The following RBFOX1 variants were observed in gnomAD, a reference collection of about 807,000 sequenced individuals.
The protein encoded by RBFOX1 is RNA binding protein fox-1 homolog 1.
A neutral mutation model predicts 57.7 loss-of-function variants in RBFOX1; 8 were observed. The observed-to-expected ratio is 0.14, with a 90% CI of 0.08 to 0.25. The LOEUF (loss-of-function observed/expected upper bound fraction) is 0.25. Among genes scored for constraint, RBFOX1 ranks in the 10% least tolerant of loss-of-function variants. RBFOX1 has a pLI of 1.00. For synonymous variants in RBFOX1, 326 were observed against 222.4 expected, an observed-to-expected ratio of 1.47 and a Z score of -4.15; for missense variants, 611 against 548.5, an observed-to-expected ratio of 1.11 and a Z score of -1.14.
chr16:6,005,518 G>A (rs1413991352), intron 4 of RBFOX1, among the ~76,000 whole-genome samples: 2 of 152,182 alleles, frequency 1.3e-5, no homozygotes, highest in South Asian at 2.1e-4. Context: ...TGATACAAGG[G>A]TTTTCAACTT....
At chr16:6,847,242 A>G (rs539595489) in intron 3 of RBFOX1, among the ~76,000 whole-genome samples, 5 of 152,292 alleles carry the variant, frequency 3.3e-5, no homozygotes, top group South Asian at 2.1e-4. Context: ...TACAACATGT[A>G]TCTCTCATGC....
At chr16:5,651,979 A>C (rs547183274) in intron 3 of RBFOX1, among the ~76,000 whole-genome samples, 63 of 152,212 alleles carry the variant, frequency 4.1e-4, no homozygotes, top group Non-Finnish European at 7.9e-4. Flanking sequence ...CTAAAGAAAG[A>C]AAAAAATAGC....
At chr16:6,547,007 C>T (rs1211435891) in intron 2 of RBFOX1, among the ~76,000 whole-genome samples, 1 of 152,138 alleles carries the variant, frequency 6.6e-6, no homozygotes, top group Non-Finnish European at 1.5e-5. Context: ...GTGAGCTTAG[C>T]CAGGAGAGGC....
chr16:6,478,427 ATATT>A (rs1265796470), intron 2 of RBFOX1, among the ~76,000 whole-genome samples: 2 of 12,700 alleles, frequency 1.6e-4, no homozygotes, highest in African/African-American at 2.8e-4. Flanking sequence ...ATATATATAT[ATATT>A]TTTTTTTTTT....
chr16:6,903,402 C>A (rs964228784), intron 3 of RBFOX1, among the ~76,000 whole-genome samples: 1 of 152,178 alleles, frequency 6.6e-6, no homozygotes, highest in Admixed American at 6.5e-5. Context: ...GCCAGTTCTG[C>A]GCTCCAATTA....
chr16:7,237,887 C>G (rs1191059471), intron 4 of RBFOX1, among the ~76,000 whole-genome samples: 3 of 152,114 alleles, frequency 2.0e-5, no homozygotes, highest in South Asian at 2.1e-4. Context: ...ACCTGTGAAG[C>G]CAGCTACTCA....
chr16:7,169,950 G>A (rs2080352582), intron 4 of RBFOX1, among the ~76,000 whole-genome samples: 1 of 152,076 alleles, frequency 6.6e-6, no homozygotes. Context: ...ACACACGCCT[G>A]TGGTCCCAGC....
At chr16:6,458,385 C>G (rs2094828647) in intron 2 of RBFOX1, among the ~76,000 whole-genome samples, 1 of 152,194 alleles carries the variant, frequency 6.6e-6, no homozygotes. Context: ...ATTTCTCCAT[C>G]TATTAATGAA....
At chr16:6,920,953 T>C (rs904566226) in intron 3 of RBFOX1, among the ~76,000 whole-genome samples, 1 of 152,242 alleles carries the variant, frequency 6.6e-6, no homozygotes, top group Non-Finnish European at 1.5e-5. Flanking sequence ...TAGTCTGTAA[T>C]GACTATCAGA....
intron 4 of RBFOX1, among the ~76,000 whole-genome samples, chr16:7,391,079 A>G (rs545260079): frequency 2.6e-5 from 4 of 152,278 alleles, no homozygotes; most frequent in South Asian, 4.2e-4. Flanking sequence ...GTCCTTAAGA[A>G]CATAGCTCTT....
chr16:6,471,904 A>G (rs1303236848), intron 2 of RBFOX1, among the ~76,000 whole-genome samples: 1 of 152,168 alleles, frequency 6.6e-6, no homozygotes, highest in Admixed American at 6.5e-5. Context: ...GGGAAATAGA[A>G]TGAAGGAAGA....
chr16:7,010,823 TGCCTCC>T lies in RBFOX1; in HGVS notation c.-15-41227_-15-41222del, dbSNP rs201327230. Among the ~76,000 whole-genome samples, 923 of 152,258 alleles carry T rather than the reference TGCCTCC, an allele frequency of 6.1e-3. 10 individuals are homozygous for T. Among genetic ancestry groups the T allele is most frequent in the African/African-American group, 0.021 (868 of 41,566 alleles). On this transcript the variant is annotated intron_variant, in intron 3 of 15. Transcript: ENST00000550418. ...CAAGTGATCTACCCATCTCTGCCTCTGCCTCCGCCTCCCAAAGTGCTGGGATTATAG... is the reference window on the plus strand; with the variant it reads ...CAAGTGATCTACCCATCTCTGCCTCTGCCTCCCAAAGTGCTGGGATTATAG...
At chr16:6,970,122 G>A (rs1165476964) in intron 3 of RBFOX1, among the ~76,000 whole-genome samples, 3 of 151,836 alleles carry the variant, frequency 2.0e-5, no homozygotes, top group East Asian at 1.9e-4. Context: ...AGACTGAAGC[G>A]AGCTATGATG....
At chr16:5,798,939 T>C (rs1009867971) in intron 3 of RBFOX1, among the ~76,000 whole-genome samples, 3 of 151,994 alleles carry the variant, frequency 2.0e-5, no homozygotes, top group Non-Finnish European at 4.4e-5. Flanking sequence ...GCCACTTGAC[T>C]CCTGCAAGAT....
intron 2 of RBFOX1, among the ~76,000 whole-genome samples, chr16:5,585,924 A>G (rs750361965): frequency 2.0e-5 from 3 of 152,176 alleles, no homozygotes; most frequent in Non-Finnish European, 2.9e-5. Context: ...GGACCCTGGA[A>G]CCTGTGAATA....
intron 3 of RBFOX1, among the ~76,000 whole-genome samples, chr16:6,904,599 TAAAAAA>T (rs71147623): frequency 5.5e-4 from 35 of 64,026 alleles, no homozygotes; most frequent in Non-Finnish European, 8.9e-4. Flanking sequence ...AGACTCTCTC[TAAAAAA>T]AAAAAAAAAA....
chr16:7,188,297 A>G (rs9929440), intron 4 of RBFOX1, among the ~76,000 whole-genome samples: 17,772 of 152,284 alleles, frequency 0.12, 1,208 homozygotes, highest in African/African-American at 0.17. Context: ...GTTAAAATGA[A>G]GAAACTGTTG....
intron 3 of RBFOX1, among the ~76,000 whole-genome samples, chr16:6,949,970 A>G (rs1406825202): frequency 6.7e-6 from 1 of 149,688 alleles, no homozygotes; most frequent in Non-Finnish European, 1.5e-5. Context: ...TTTTTGGTAC[A>G]GAGTCTTGCT....
chr16:5,809,489 C>T (rs901839598), intron 3 of RBFOX1, among the ~76,000 whole-genome samples: 2 of 152,076 alleles, frequency 1.3e-5, no homozygotes, highest in African/African-American at 2.4e-5. Context: ...AAAAAACAAA[C>T]AACCCCATCA....
Sources: allele counts gnomAD v4.1 joint callset (sites outside exome capture counted in the v4.1 genomes callset), GRCh38; gene constraint gnomAD v4.1.1; transcripts MANE v1.5; gene names NCBI Gene and HGNC (gene_info 2026-07-23, HGNC 2026-07-21).